Variants in LRP1B observed in about 807,000 individuals in gnomAD.
LRP1B encodes the protein LDL receptor related protein 1B, also known as low-density lipoprotein receptor-related protein 1B.
In LRP1B, 217 loss-of-function variants were observed where a neutral mutation model predicts 556.6. That is an observed-to-expected ratio of 0.39 (90% CI 0.35 to 0.44). The LOEUF is 0.44. Among genes scored for constraint, LRP1B ranks in the 20% least tolerant of loss-of-function variants. The probability of loss-of-function intolerance (pLI) is 1.00; values close to 1 mark genes in which losing one functional copy is unlikely to be tolerated. For synonymous variants in LRP1B, 2,047 were observed against 1,865.8 expected (o/e 1.10, Z -2.50); for missense variants, 5,053 against 5,620.8 (o/e 0.90, Z 3.23).
At chr2:140,928,269 G>T (rs1388621253) in intron 20 of LRP1B, among the ~76,000 whole-genome samples, 3 of 152,072 alleles carry the variant, frequency 2.0e-5, no homozygotes, top group Admixed American at 2.0e-4. Context: ...GAAGAAAACG[G>T]ATCAGAGTAA....
chr2:140,855,493 GA>G (rs56835236), intron 27 of LRP1B, among the ~76,000 whole-genome samples: 23 of 99,388 alleles, frequency 2.3e-4, no homozygotes, highest in East Asian at 7.7e-4. Context: ...TCTCTACTGG[GA>G]AAAAAAAAAA....
intron 7 of LRP1B, among the ~76,000 whole-genome samples, chr2:141,089,082 T>C (rs1700113952): frequency 6.6e-6 from 1 of 152,170 alleles, no homozygotes; most frequent in Non-Finnish European, 1.5e-5. Flanking sequence ...TACCTGGAAA[T>C]ATTCTTTCAA....
intron 2 of LRP1B, among the ~76,000 whole-genome samples, chr2:141,536,264 A>G (rs1685066849): frequency 1.3e-5 from 2 of 152,034 alleles, no homozygotes; most frequent in Admixed American, 6.6e-5. Context: ...ATTTTCCCAC[A>G]TTTTTATCTA....
At chr2:141,203,891 A>G (rs1471214964) in intron 6 of LRP1B, among the ~76,000 whole-genome samples, 2 of 152,174 alleles carry the variant, frequency 1.3e-5, no homozygotes, top group Non-Finnish European at 2.9e-5. Flanking sequence ...TCAAAACCAC[A>G]CAACTACATG....
intron 43 of LRP1B, among the ~76,000 whole-genome samples, chr2:140,572,107 T>A (rs989079826): frequency 6.6e-6 from 1 of 151,620 alleles, no homozygotes; most frequent in Non-Finnish European, 1.5e-5. Context: ...GAAAAAGACC[T>A]CACAAACAGA....
chr2:141,643,722 G>A (rs551494070), intron 2 of LRP1B, among the ~76,000 whole-genome samples: 104 of 152,238 alleles, frequency 6.8e-4, no homozygotes, highest in African/African-American at 2.4e-3. Flanking sequence ...TTTTACAAGA[G>A]TATCTCTGGT....
intron 7 of LRP1B, among the ~76,000 whole-genome samples, chr2:141,141,290 A>G (rs1701645298): frequency 6.6e-6 from 1 of 152,184 alleles, no homozygotes; most frequent in African/African-American, 2.4e-5. Flanking sequence ...CTGAAAGATT[A>G]CACAACTATA....
intron 31 of LRP1B, among the ~76,000 whole-genome samples, chr2:140,838,441 T>C (rs1691989305): frequency 6.6e-6 from 1 of 152,172 alleles, no homozygotes; most frequent in Non-Finnish European, 1.5e-5. Context: ...ACAAACTGTC[T>C]AAAGAAGAAA....
intron 10 of LRP1B, among the ~76,000 whole-genome samples, chr2:141,052,819 TTAGAGAC>T (rs1699074310): frequency 6.6e-6 from 1 of 151,842 alleles, no homozygotes; most frequent in Non-Finnish European, 1.5e-5. Flanking sequence ...TGTAGCTTTT[TTAGAGAC>T]TAGGTTTTGC....
At chr2:141,924,078 G>T (rs1056628415) in intron 1 of LRP1B, among the ~76,000 whole-genome samples, 6 of 152,004 alleles carry the variant, frequency 3.9e-5, no homozygotes, top group Admixed American at 6.6e-5. Context: ...GTGGGAACAG[G>T]CATTTCTGTT....
intron 66 of LRP1B, among the ~76,000 whole-genome samples, chr2:140,411,035 T>C (rs979326386): frequency 6.6e-6 from 1 of 152,168 alleles, no homozygotes; most frequent in Non-Finnish European, 1.5e-5. Context: ...TATTTTCCAG[T>C]GCCACCTGTA....
intron 1 of LRP1B, among the ~76,000 whole-genome samples, chr2:141,979,822 G>T (rs529669025): frequency 1.2e-4 from 19 of 152,186 alleles, no homozygotes; most frequent in African/African-American, 4.1e-4. Context: ...AGGAAAAACT[G>T]CAGGTGAAGT....
chr2:141,173,077 C>G (rs1037565907), intron 7 of LRP1B, among the ~76,000 whole-genome samples: 1 of 151,264 alleles, frequency 6.6e-6, no homozygotes, highest in African/African-American at 2.4e-5. Flanking sequence ...AACCCACACA[C>G]TTTATATCCA....
At chr2:141,207,369 T>C (rs1005721034) in intron 6 of LRP1B, among the ~76,000 whole-genome samples, 1 of 152,202 alleles carries the variant, frequency 6.6e-6, no homozygotes, top group Non-Finnish European at 1.5e-5. Context: ...AATCCATATA[T>C]TTTCAAACAA....
chr2:142,113,026 C>T (rs1707058333), intron 1 of LRP1B, among the ~76,000 whole-genome samples: 1 of 152,012 alleles, frequency 6.6e-6, no homozygotes, highest in Admixed American at 6.6e-5. Context: ...CTTTCTTCCC[C>T]CTGGTGGTTA....
At chr2:141,041,386 G>C (rs888188802) in intron 11 of LRP1B, among the ~76,000 whole-genome samples, 2 of 152,100 alleles carry the variant, frequency 1.3e-5, no homozygotes, top group African/African-American at 2.4e-5. Flanking sequence ...AAGCAGAGCT[G>C]ATCCCTTCTG....
At chr2:140,931,854 A>G (rs935684994) in intron 20 of LRP1B, among the ~76,000 whole-genome samples, 1 of 152,174 alleles carries the variant, frequency 6.6e-6, no homozygotes, top group African/African-American at 2.4e-5. Flanking sequence ...TGAATTGGCT[A>G]TGTAAAGTAA....
At chr2:140,235,928 TTG>T (rs1298143125) in intron 89 of LRP1B, among the ~76,000 whole-genome samples, 1 of 151,038 alleles carries the variant, frequency 6.6e-6, no homozygotes, top group Non-Finnish European at 1.5e-5. Flanking sequence ...ACTCTATTAT[TTG>T]TCTTTCTCCT....
intron 1 of LRP1B, among the ~76,000 whole-genome samples, chr2:141,972,162 T>C (rs1345795494): frequency 2.6e-5 from 4 of 151,542 alleles, no homozygotes; most frequent in South Asian, 2.1e-4. Context: ...TATTGAATAG[T>C]GGTTAAGTAG....
Sources: gnomAD v4.1 joint callset for allele counts (sites outside exome capture counted in the v4.1 genomes callset) on GRCh38, gnomAD v4.1.1 for gene constraint, MANE v1.5 for transcripts, NCBI Gene and HGNC (gene_info 2026-07-23, HGNC 2026-07-21) for gene names.